Variants in UBE2N observed in about 807,000 individuals in gnomAD.
The protein encoded by UBE2N is ubiquitin conjugating enzyme E2 N, also known as ubiquitin-conjugating enzyme E2 N.
For synonymous variants in UBE2N, 70 were observed against 69.2 expected (o/e 1.01, Z -0.06); for missense variants, 60 against 192.1 (o/e 0.31, Z 4.07).
rs935355938 is a variant in UBE2N at position 93,409,159 on chromosome 12, T to C, written c.*880A>G. ...GCTTTATGCATGCTCAGGGCCAGTTTATAAATACTCCATTCAGTACTATCT... is the reference window on the plus strand; with the variant it reads ...GCTTTATGCATGCTCAGGGCCAGTTCATAAATACTCCATTCAGTACTATCT... On this transcript the variant is annotated 3_prime_UTR_variant, in exon 4 of 4. Transcript: ENST00000318066. 6.6e-6 allele frequency: 1 copy of C among 152,664 alleles called. No individual in the cohort carries two copies. The highest frequency in any genetic ancestry group is 6.5e-5 in the Admixed American group (1 of 15,276). 9.5% of individuals were successfully genotyped at this position (152,664 alleles called of 1,614,324 possible). A position where few individuals can be genotyped will look rare whatever the true frequency, so the allele number is the denominator to read the frequency against.
chr12:93,428,959 C>CT (rs1232103918), intron 1 of UBE2N, among the ~76,000 whole-genome samples: 1 of 152,144 alleles, frequency 6.6e-6, no homozygotes, highest in Non-Finnish European at 1.5e-5. Context: ...AGACAGGGTC[C>CT]TGGACAGTGC....
At chr12:93,412,110 G>A (rs796764652) in intron 1 of UBE2N, among the ~76,000 whole-genome samples, 4 of 152,280 alleles carry the variant, frequency 2.6e-5, no homozygotes, top group Non-Finnish European at 1.5e-5. Context: ...ATTTAACAAT[G>A]CTGATTACTC....
intron 1 of UBE2N, among the ~76,000 whole-genome samples, chr12:93,430,432 T>C (rs1878727713): frequency 6.6e-6 from 1 of 151,702 alleles, no homozygotes; most frequent in East Asian, 1.9e-4. Flanking sequence ...CAGCAAAGAG[T>C]CCCTTCTCAC....
rs530078613 is a variant in UBE2N at position 93,441,715 on chromosome 12, C to T, written c.30+140G>A. On this transcript the variant is annotated intron_variant, in intron 1 of 3. Transcript: ENST00000318066. ...CTCCTCAGCACCCGACTTCCCTCGC[C>T]GCCGCGGCCAACCCCTCTCCGCGCC... The T allele has an allele frequency of 1.0e-5, 12 of 1,185,188 alleles. No homozygotes were observed. In the African/African-American group the frequency reaches 1.9e-4, roughly 19 times the overall value. The allele number at this position is 1,185,188 out of a possible 1,614,324, so 73.4% of individuals were successfully genotyped here.
Position 93,432,091 on chromosome 12 carries a change from G to A in UBE2N, c.30+9764C>T, listed in dbSNP as rs536367929. Among the ~76,000 whole-genome samples the A allele has an allele frequency of 2.0e-5, 3 of 152,294 alleles. No individual in the cohort carries two copies. In the South Asian group the frequency reaches 6.2e-4, roughly 32 times the overall value. On this transcript the variant is annotated intron_variant, in intron 1 of 3. Transcript: ENST00000318066. ...TACTAAAAATACCAAAATTAGCCGG[G>A]TGTGGTGGCGTGCACCTGTAATCCC...
chr12:93,439,842 T>C (rs11107027), intron 1 of UBE2N, among the ~76,000 whole-genome samples: 20,464 of 151,826 alleles, frequency 0.13, 1,685 homozygotes, highest in East Asian at 0.21. Context: ...TAGATAGATG[T>C]TGTCAACAAG....
At chr12:93,416,572 A>G (rs1878217030) in intron 1 of UBE2N, among the ~76,000 whole-genome samples, 1 of 151,166 alleles carries the variant, frequency 6.6e-6, no homozygotes, top group African/African-American at 2.4e-5. Context: ...TAATTTTTGT[A>G]TTTTTAGCAG....
At chr12:93,424,717 T>C (rs999681796) in intron 1 of UBE2N, among the ~76,000 whole-genome samples, 2 of 152,198 alleles carry the variant, frequency 1.3e-5, no homozygotes, top group Non-Finnish European at 2.9e-5. Flanking sequence ...GATTAAAAAA[T>C]AAAACTTCAA....
intron 1 of UBE2N, among the ~76,000 whole-genome samples, chr12:93,439,782 T>C (rs1208161533): frequency 6.6e-6 from 1 of 152,196 alleles, no homozygotes; most frequent in Admixed American, 6.5e-5. Context: ...TTTTAAGCTA[T>C]AAATGACACT....
chr12:93,432,782 T>C (rs1459144478), intron 1 of UBE2N, among the ~76,000 whole-genome samples: 1 of 152,128 alleles, frequency 6.6e-6, no homozygotes, highest in Non-Finnish European at 1.5e-5. Context: ...ATGCAAAATA[T>C]GTCAACCTTA....
intron 1 of UBE2N, among the ~76,000 whole-genome samples, chr12:93,438,545 C>T (rs1879005429): frequency 6.6e-6 from 1 of 151,364 alleles, no homozygotes; most frequent in South Asian, 2.1e-4. Context: ...AGTAGGCATC[C>T]CAAATGAATG....
At chr12:93,437,106 A>C (rs182644015) in intron 1 of UBE2N, among the ~76,000 whole-genome samples, 10 of 152,194 alleles carry the variant, frequency 6.6e-5, no homozygotes, top group Admixed American at 6.5e-4. Flanking sequence ...CTACTGAAAA[A>C]GTATTAAATT....
Position 93,439,659 on chromosome 12 carries a change from AT to A in UBE2N, c.30+2195del, listed in dbSNP as rs199659940. ...AGGCAACTTTTAAAAATAAATTCTG[AT>A]TTTTTTTAAAGCATTGTCACTGATT... On this transcript the variant is annotated intron_variant, in intron 1 of 3. Transcript: ENST00000318066. Among the ~76,000 whole-genome samples the A allele has an allele frequency of 3.4e-3, 525 of 152,186 alleles. 6 individuals are homozygous for A. Among genetic ancestry groups the A allele is most frequent in the African/African-American group, 0.012 (500 of 41,508 alleles).
chr12:93,417,513 TG>T (rs1300126902), intron 1 of UBE2N, among the ~76,000 whole-genome samples: 1 of 152,204 alleles, frequency 6.6e-6, no homozygotes, highest in Non-Finnish European at 1.5e-5. Flanking sequence ...AATTTGTGTG[TG>T]AGAAAAGTTG....
chr12:93,411,892 CT>C lies in UBE2N; in HGVS notation c.31-594del, dbSNP rs570660491. Reference sequence around the variant, plus strand: ...TATTTTTAGTAGAGACGGTATCACCCTGTTGGCCAGGCTGGTCTTGAACTCC... The same window carrying C: ...TATTTTTAGTAGAGACGGTATCACCCGTTGGCCAGGCTGGTCTTGAACTCC... On this transcript the variant is annotated intron_variant, in intron 1 of 3. Transcript: ENST00000318066. 2.6e-5 allele frequency among the ~76,000 whole-genome samples: 4 copies of C among 152,212 alleles called. No individual in the cohort carries two copies. The East Asian group carries it at 7.7e-4, about 29-fold the overall frequency.
Position 93,411,262 on chromosome 12 carries a change from A to G in UBE2N, c.68T>C (p.Ile23Thr). 6.2e-7 allele frequency: 1 copy of G among 1,612,706 alleles called. No homozygotes were observed. The highest frequency in any genetic ancestry group is 1.1e-5 in the South Asian group (1 of 91,002). The change falls in exon 2 of 4, where the codon ATC (isoleucine) becomes ACC (threonine). Residue 23 changes from isoleucine to threonine, a missense_variant. Physicochemically the swap from Ile to Thr is moderately conservative, Grantham distance 89. Transcript: ENST00000318066. ...QRLLAEPVPG[I>T]KAEPDESNAR... ...GTTGCTCTCATCTGGTTCGGCTTTG[A>G]TGCCAGGAACTGGTTCTGCCAGCAA... is the stretch of plus-strand genomic sequence containing the variant.
At chr12:93,429,360 AG>A in intron 1 of UBE2N, 1 of 408,476 alleles carries the variant, frequency 2.4e-6, no homozygotes, top group Non-Finnish European at 4.7e-6. Context: ...AGACTTACTG[AG>A]AAAAAAAATT....
At chr12:93,414,677 C>G (rs781112455) in intron 1 of UBE2N, among the ~76,000 whole-genome samples, 6 of 152,128 alleles carry the variant, frequency 3.9e-5, no homozygotes, top group African/African-American at 7.2e-5. Flanking sequence ...CCCAAGATAT[C>G]CATATGGCTT....
intron 1 of UBE2N, among the ~76,000 whole-genome samples, chr12:93,439,816 T>C (rs923682626): frequency 5.9e-5 from 9 of 152,134 alleles, no homozygotes; most frequent in Admixed American, 2.0e-4. Context: ...AAAACCCAAA[T>C]CAAGGTGTCA....
Sources: allele counts gnomAD v4.1 joint callset (sites outside exome capture counted in the v4.1 genomes callset), GRCh38; gene constraint gnomAD v4.1.1; transcripts MANE v1.5; gene names NCBI Gene and HGNC (gene_info 2026-07-23, HGNC 2026-07-21).